TENM2: variants seen among roughly 807,000 people sequenced by gnomAD.
TENM2 encodes the protein teneurin transmembrane protein 2, also known as teneurin-2.
TENM2 carries 52 observed loss-of-function variants against 245.2 expected under a neutral mutation model. The ratio of observed to expected loss-of-function variants is 0.21; its 90% CI spans 0.17 to 0.27. The LOEUF (loss-of-function observed/expected upper bound fraction) is 0.27, where lower values mean the gene tolerates loss of function less well. TENM2 is among the 10% of genes least tolerant of loss of function. The probability of loss-of-function intolerance (pLI) is 1.00; values close to 1 mark genes in which losing one functional copy is unlikely to be tolerated. For missense variants in TENM2, 3,046 were observed against 3,666.8 expected (o/e 0.83, Z 4.37); for synonymous variants, 1,363 against 1,438.9 (o/e 0.95, Z 1.19).
At chr5:167,022,680 C>T in the TENM2 span, among the ~76,000 whole-genome samples, 4 of 152,220 alleles carry the variant, frequency 2.6e-5, no homozygotes, top group Admixed American at 6.5e-5. Context: ...GGCAAAACTA[C>T]GCCTAAGTGA....
chr5:167,361,119 A>G (rs1393046949), intron 1 of TENM2, among the ~76,000 whole-genome samples: 1 of 152,218 alleles, frequency 6.6e-6, no homozygotes, highest in Non-Finnish European at 1.5e-5. Flanking sequence ...ACATAATAGA[A>G]AACATTATGA....
chr5:167,936,718 G>T (rs1380266712), intron 3 of TENM2, among the ~76,000 whole-genome samples: 1 of 152,142 alleles, frequency 6.6e-6, no homozygotes, highest in Non-Finnish European at 1.5e-5. Flanking sequence ...ACAAATACAG[G>T]TTTCTGGAAC....
rs528970533 is a variant in TENM2 at position 167,575,244 on chromosome 5, T to A, written c.502+199771T>A. Among the ~76,000 whole-genome samples the A allele has an allele frequency of 1.4e-4, 21 of 152,250 alleles. No individual in the cohort carries two copies. The South Asian group carries it at 4.1e-3, about 30-fold the overall frequency. On this transcript the variant is annotated intron_variant, in intron 2 of 28. Coordinates refer to ENST00000518659, the Ensembl canonical transcript of TENM2. The stretch of plus-strand genomic sequence containing the variant: ...GCATAGAATGTTTAAAATTCATTTT[T>A]AAATGTTTTTATGAGAAAATCTGAA...
At chr5:167,699,370 G>A (rs1757995818) in intron 2 of TENM2, among the ~76,000 whole-genome samples, 1 of 152,034 alleles carries the variant, frequency 6.6e-6, no homozygotes, top group South Asian at 2.1e-4. Flanking sequence ...GAGGTTTAGT[G>A]TCTAAAACTA....
At position 167,779,525 on chromosome 5, in the gene TENM2, C is replaced by G. The variant is rs138419592; in HGVS notation, c.503-96461C>G. ...TGGTGTCTAAAATTTCACAAAATTA[C>G]GTGGGGTGAGAAATGAGAACATGTT... is the stretch of plus-strand genomic sequence containing the variant. On this transcript the variant is annotated intron_variant, in intron 2 of 28. Coordinates refer to ENST00000518659, the Ensembl canonical transcript of TENM2. 4.0e-3 allele frequency among the ~76,000 whole-genome samples: 611 copies of G among 152,246 alleles called. 2 individuals are homozygous for G. The highest frequency in any genetic ancestry group is 0.014 in the African/African-American group (583 of 41,536).
the TENM2 span, among the ~76,000 whole-genome samples, chr5:167,117,214 C>A: frequency 1.3e-5 from 2 of 152,146 alleles, no homozygotes; most frequent in South Asian, 2.1e-4. Flanking sequence ...GGTTAAGAAG[C>A]CTAAACAGGC....
intron 2 of TENM2, among the ~76,000 whole-genome samples, chr5:167,709,797 C>A (rs570167093): frequency 5.3e-5 from 8 of 151,884 alleles, no homozygotes; most frequent in African/African-American, 1.9e-4. Context: ...GAGAGAGAAA[C>A]CAAAAGCGAG....
intron 9 of TENM2, among the ~76,000 whole-genome samples, chr5:168,106,151 T>C (rs1562165193): frequency 6.6e-6 from 1 of 152,180 alleles, no homozygotes; most frequent in African/African-American, 2.4e-5. Context: ...TGAACAGCTG[T>C]CACTGGAGGC....
chr5:166,998,020 CTG>C, the TENM2 span, among the ~76,000 whole-genome samples: 1 of 152,054 alleles, frequency 6.6e-6, no homozygotes, highest in Non-Finnish European at 1.5e-5. Flanking sequence ...ATGTGCATGC[CTG>C]CACTGGTTAA....
chr5:167,907,524 AATATATATATATATAT>A (rs56159044), intron 3 of TENM2, among the ~76,000 whole-genome samples: 6,503 of 78,224 alleles, frequency 0.083, 285 homozygotes, highest in Non-Finnish European at 0.11. Context: ...GATCACCCTA[AATATATATATATATAT>A]ATATATATAT....
At chr5:167,156,451 T>C in the TENM2 span, among the ~76,000 whole-genome samples, 5 of 152,178 alleles carry the variant, frequency 3.3e-5, no homozygotes, top group Admixed American at 1.3e-4. Context: ...CCTCAACCAG[T>C]GGTAATCTGT....
At chr5:168,003,177 A>G (rs1784535374) in intron 5 of TENM2, among the ~76,000 whole-genome samples, 1 of 152,164 alleles carries the variant, frequency 6.6e-6, no homozygotes, top group African/African-American at 2.4e-5. Context: ...TTTCCTGGAT[A>G]TGTACAAGGG....
intron 2 of TENM2, among the ~76,000 whole-genome samples, chr5:167,460,655 T>C (rs1766242141): frequency 6.6e-6 from 1 of 152,046 alleles, no homozygotes. Context: ...CCACAGTTCA[T>C]TGGGCTGGAG....
chr5:167,465,425 C>G (rs1205713102), intron 2 of TENM2, among the ~76,000 whole-genome samples: 5 of 152,210 alleles, frequency 3.3e-5, no homozygotes, highest in East Asian at 1.9e-4. Flanking sequence ...TGAACTTCCA[C>G]TCTCCACCAA....
At chr5:168,167,608 T>G (rs1758420562) in intron 13 of TENM2, among the ~76,000 whole-genome samples, 1 of 152,180 alleles carries the variant, frequency 6.6e-6, no homozygotes, top group Admixed American at 6.5e-5. Flanking sequence ...ATCACTTTCT[T>G]CCTTACTAAA....
At chr5:168,101,257 C>G (rs771748397) in intron 9 of TENM2, among the ~76,000 whole-genome samples, 2 of 152,270 alleles carry the variant, frequency 1.3e-5, no homozygotes, top group Non-Finnish European at 2.9e-5. Context: ...AGGACAGAGT[C>G]GGCCTTTTAT....
intron 2 of TENM2, among the ~76,000 whole-genome samples, chr5:167,709,844 TGA>T (rs1368774320): frequency 1.3e-5 from 2 of 151,954 alleles, no homozygotes; most frequent in Non-Finnish European, 2.9e-5. Context: ...AAGGCAAGAA[TGA>T]GAGAGAGAAA....
chr5:167,900,136 G>GAAAAAAAAAAAAAA (rs1561912438), intron 3 of TENM2, among the ~76,000 whole-genome samples: 1 of 74,020 alleles, frequency 1.4e-5, no homozygotes, highest in African/African-American at 9.5e-5. Context: ...AAAAAAAAGG[G>GAAAAAAAAAAAAAA]GGGGGGGGTT....
At chr5:167,457,776 GACA>G (rs762593024) in intron 2 of TENM2, among the ~76,000 whole-genome samples, 6 of 152,154 alleles carry the variant, frequency 3.9e-5, no homozygotes, top group Non-Finnish European at 8.8e-5. Flanking sequence ...CCAAAACAAT[GACA>G]ACATTTCTGT....
Sources: gnomAD v4.1 joint callset for allele counts (sites outside exome capture counted in the v4.1 genomes callset) on GRCh38, gnomAD v4.1.1 for gene constraint, MANE v1.5 for transcripts, NCBI Gene and HGNC (gene_info 2026-07-23, HGNC 2026-07-21) for gene names.